CD34: variants seen among roughly 807,000 people sequenced by gnomAD.
CD34 encodes CD34 molecule.
In CD34, 34 loss-of-function variants were observed where a neutral mutation model predicts 40.1. The observed-to-expected ratio is 0.85, with a 90% CI of 0.65 to 1.13. The LOEUF (loss-of-function observed/expected upper bound fraction) is 1.13. CD34 is among the 50% of genes most tolerant of loss of function. The pLI is 0.00. For synonymous variants in CD34, 209 were observed against 190.0 expected, an observed-to-expected ratio of 1.10 and a Z score of -0.82; for missense variants, 426 against 466.9, an observed-to-expected ratio of 0.91 and a Z score of 0.81.
chr1:207,897,357 A>C, intron 4 of CD34, 136 bp downstream of exon 4: 1 of 629,658 alleles, frequency 1.6e-6, no homozygotes, highest in Non-Finnish European at 2.9e-6. Context: ...TCAGTATTAA[A>C]GGCAGGCTGA....
In CD34 at chr1:207,884,518, TG is replaced by T. The variant is rs2102292046; in HGVS notation, c.*3219del. On this transcript the variant is annotated 3_prime_UTR_variant, in exon 8 of 8. Coordinates refer to ENST00000310833, the MANE Select transcript of CD34 (RefSeq NM_001025109.2). The stretch of plus-strand genomic sequence containing the variant: ...GAATGGTGGCTGGAAGCCTCTTCGA[TG>T]GGGGCTTTAGGAAGAGAAGCAGCAT... 6.6e-6 allele frequency: 1 copy of T among 152,206 alleles called. No individual in the cohort carries two copies. Among genetic ancestry groups the T allele is most frequent in the East Asian group, 1.9e-4 (1 of 5,196 alleles). The allele number at this position is 152,206 out of a possible 1,614,324, so 9.4% of individuals were successfully genotyped here.
In CD34 at chr1:207,887,446, T is replaced by G; in HGVS notation, c.*292A>C. ...GTAGGGGAAGGGGGTCCTGTGTGAG[T>G]GCTGCAAGGCCATCGATTGTTCCTG... On this transcript the variant is annotated 3_prime_UTR_variant, in exon 8 of 8. Transcript: ENST00000310833. 1 of 352,182 alleles carries G rather than the reference T, an allele frequency of 2.8e-6. No individual in the cohort carries two copies. The highest frequency in any genetic ancestry group is 5.2e-6 in the Non-Finnish European group (1 of 193,584). 21.8% of individuals were successfully genotyped at this position (352,182 alleles called of 1,614,324 possible). A position where few individuals can be genotyped will look rare whatever the true frequency, so the allele number is the denominator to read the frequency against.
chr1:207,889,393 C>T (rs1428185756), intron 5 of CD34, 72 bp downstream of exon 5: 7 of 1,540,358 alleles, frequency 4.5e-6, no homozygotes, highest in Non-Finnish European at 6.2e-6. Flanking sequence ...CTAAGATGCC[C>T]CATCTCCACC....
At chr1:207,899,317 C>T in intron 2 of CD34, 91 bp from the exon 3 acceptor site, 1 of 1,369,512 alleles carries the variant, frequency 7.3e-7, no homozygotes, top group Non-Finnish European at 1.0e-6. Context: ...CACTTCAACA[C>T]AGAAAAGGGA....
In CD34 at chr1:207,888,731, C is replaced by G. The variant is rs188832651; in HGVS notation, c.923G>C (p.Gly308Ala). Residue 308 changes from glycine (G) to alanine (A), a missense_variant, in exon 7 of 8, where the codon GGC becomes GCC. Coordinates refer to ENST00000310833, the MANE Select transcript of CD34 (RefSeq NM_001025109.2). ...GCTGCGGCGATTCATCAGGAAATAGCCAGTGATGCCCAAGACAGCCAGCAG... is the reference window on the plus strand; with the variant it reads ...GCTGCGGCGATTCATCAGGAAATAGGCAGTGATGCCCAAGACAGCCAGCAG... Reference protein sequence around the residue: ...GALLAVLGITGYFLMNRRSWS... With the variant: ...GALLAVLGITAYFLMNRRSWS... 5.0e-6 allele frequency: 8 copies of G among 1,614,228 alleles called. No homozygotes were observed. In the African/African-American group the frequency reaches 1.1e-4, roughly 22 times the overall value.
Position 207,899,850 on chromosome 1 carries a change from T to C in CD34, c.233A>G (p.His78Arg). 6.2e-7 allele frequency: 1 copy of C among 1,612,784 alleles called. No homozygotes were observed. Among genetic ancestry groups the C allele is most frequent in the South Asian group, 1.1e-5 (1 of 90,750 alleles). Residue 78 changes from histidine (H) to arginine (R), a missense_variant, in exon 2 of 8, where the codon CAT (histidine) becomes CGT (arginine). Coordinates refer to ENST00000310833, the MANE Select transcript of CD34 (RefSeq NM_001025109.2). ...GATGTTTGTTGTGGCCTCATTGCCA[T>C]GTTGAGACACAGGGTGCAGGCTGGT... is the stretch of plus-strand genomic sequence containing the variant. ...GSTSLHPVSQ[H>R]GNEATTNITE...
At chr1:207,906,796 A>T (rs1662391544) in intron 1 of CD34, among the ~76,000 whole-genome samples, 1 of 152,062 alleles carries the variant, frequency 6.6e-6, no homozygotes, top group South Asian at 2.1e-4. Context: ...GTGATCCGAG[A>T]TCACACCATT....
At chr1:207,888,237 C>T (rs141753114) in intron 7 of CD34, 35 of 1,037,546 alleles carry the variant, frequency 3.4e-5, no homozygotes, top group Non-Finnish European at 5.1e-5. Flanking sequence ...GGGTAGGGGA[C>T]AGGCCAGAGG....
chr1:207,888,540 G>A, intron 7 of CD34, 142 bp downstream of exon 7: 3 of 824,092 alleles, frequency 3.6e-6, no homozygotes, highest in South Asian at 3.3e-5. Context: ...ACCGATTACT[G>A]TGTGTGCACA....
Position 207,887,584 on chromosome 1 carries a change from A to G in CD34, c.*154T>C, listed in dbSNP as rs1041878278. The G allele has an allele frequency of 3.8e-6, 4 of 1,046,276 alleles. No homozygotes were observed. The African/African-American group carries it at 6.4e-5, about 17-fold the overall frequency. The allele number at this position is 1,046,276 out of a possible 1,614,324, so 64.8% of individuals were successfully genotyped here. A position where few individuals can be genotyped will look rare whatever the true frequency, so the allele number is the denominator to read the frequency against. On this transcript the variant is annotated 3_prime_UTR_variant, in exon 8 of 8. Coordinates refer to ENST00000310833, the MANE Select transcript of CD34 (RefSeq NM_001025109.2). ...GACAGGAGTTTACCTGCCCCTCCTC[A>G]AGGTGTAGGGCCCCAAGAACAGCCT...
At position 207,911,026 on chromosome 1, in the gene CD34, C is replaced by G. The variant is rs779357137; in HGVS notation, c.55G>C (p.Ala19Pro). Reference sequence around the variant, plus strand: ...CGCAGCAAACTCAGCAAGCAAAGCGCGGTCCAGCCCCGCGGCATCCTGGGC... The same window carrying G: ...CGCAGCAAACTCAGCAAGCAAAGCGGGGTCCAGCCCCGCGGCATCCTGGGC... ...AGPRMPRGWTALCLLSLLPSG... is the reference protein window; with the variant it reads ...AGPRMPRGWTPLCLLSLLPSG... The change falls in exon 1 of 8, where the codon GCG becomes CCG. Residue 19 changes from alanine to proline, a missense_variant. By Grantham distance (27) the Ala-to-Pro change is conservative. Coordinates refer to ENST00000310833, the MANE Select transcript of CD34 (RefSeq NM_001025109.2). The G allele has an allele frequency of 2.5e-6, 4 of 1,592,694 alleles. No homozygotes were observed. Among genetic ancestry groups the G allele is most frequent in the Non-Finnish European group, 3.4e-6 (4 of 1,172,728 alleles).
At chr1:207,906,410 T>G (rs1462084377) in intron 1 of CD34, among the ~76,000 whole-genome samples, 1 of 152,202 alleles carries the variant, frequency 6.6e-6, no homozygotes. Flanking sequence ...ACCATGAATT[T>G]CAGTCATCCT....
At chr1:207,897,657 T>C (rs1308612160) in intron 3 of CD34, 84 bp from the exon 4 acceptor site, 7 of 1,163,506 alleles carry the variant, frequency 6.0e-6, no homozygotes, top group Non-Finnish European at 8.7e-6. Flanking sequence ...CTTTTTCCAG[T>C]TTGCTTTCTG....
chr1:207,908,322 T>C (rs901591900), intron 1 of CD34, among the ~76,000 whole-genome samples: 2 of 152,202 alleles, frequency 1.3e-5, no homozygotes, highest in African/African-American at 4.8e-5. Flanking sequence ...AAGACATGCA[T>C]CTGCAAAGGT....
chr1:207,902,986 A>G (rs948893194), intron 1 of CD34, among the ~76,000 whole-genome samples: 1 of 152,176 alleles, frequency 6.6e-6, no homozygotes, highest in Non-Finnish European at 1.5e-5. Flanking sequence ...CTCTGACCCC[A>G]GGGTGAGCAG....
chr1:207,909,229 C>A (rs1218265558), intron 1 of CD34, among the ~76,000 whole-genome samples: 2 of 152,110 alleles, frequency 1.3e-5, no homozygotes, highest in African/African-American at 4.8e-5. Flanking sequence ...CTCCCCCAAC[C>A]CCAACCTCGG....
chr1:207,892,482 G>C (rs1302161659), intron 4 of CD34, among the ~76,000 whole-genome samples: 1 of 152,072 alleles, frequency 6.6e-6, no homozygotes, highest in Non-Finnish European at 1.5e-5. Context: ...GGCAGGCTGA[G>C]GCACGAGAAT....
At chr1:207,900,253 G>A (rs1047883347) in intron 1 of CD34, among the ~76,000 whole-genome samples, 6 of 152,016 alleles carry the variant, frequency 3.9e-5, no homozygotes, top group Non-Finnish European at 7.4e-5. Context: ...GGAGGGAAAC[G>A]TGAACAACTA....
At position 207,885,146 on chromosome 1, in the gene CD34, T is replaced by G. The variant is rs980859296; in HGVS notation, c.*2592A>C. On this transcript the variant is annotated 3_prime_UTR_variant, in exon 8 of 8. Transcript: ENST00000310833. Reference sequence around the variant, plus strand: ...GTTCTATAGTTATATGAGCTTTGTGTACAAGAGAAATTGGACTAGAGGGTG... The same window carrying G: ...GTTCTATAGTTATATGAGCTTTGTGGACAAGAGAAATTGGACTAGAGGGTG... The G allele has an allele frequency of 6.6e-6, 1 of 152,224 alleles. No homozygotes were observed. 9.4% of individuals were successfully genotyped at this position (152,224 alleles called of 1,614,324 possible).
Sources: gnomAD v4.1 joint callset for allele counts (sites outside exome capture counted in the v4.1 genomes callset) on GRCh38, gnomAD v4.1.1 for gene constraint, MANE v1.5 for transcripts, NCBI Gene and HGNC (gene_info 2026-07-23, HGNC 2026-07-21) for gene names.